The following ABCC11 variants were observed in gnomAD, a reference collection of about 807,000 sequenced individuals.
ABCC11 encodes the protein ATP-binding cassette sub-family C member 11.
ABCC11 carries 135 observed loss-of-function variants against 149.3 expected under a neutral mutation model. That is an observed-to-expected ratio of 0.90 (90% confidence interval 0.79 to 1.04). The LOEUF (loss-of-function observed/expected upper bound fraction) is 1.04. Among genes scored for constraint, ABCC11 ranks in the 50% least tolerant of loss-of-function variants. The pLI, the probability that ABCC11 is intolerant of heterozygous loss-of-function variation, is 0.00. For missense variants in ABCC11, 1,680 were observed against 1,722.1 expected, an observed-to-expected ratio of 0.98 and a Z score of 0.43; for synonymous variants, 665 against 671.4, an observed-to-expected ratio of 0.99 and a Z score of 0.15.
At chr16:48,187,602 C>T (rs1021034076) in intron 20 of ABCC11, among the ~76,000 whole-genome samples, 175 bp from the exon 21 acceptor site, 5 of 152,264 alleles carry the variant, frequency 3.3e-5, no homozygotes, top group African/African-American at 1.2e-4. Flanking sequence ...TACCTGACTC[C>T]TCCACCTACT....
At chr16:48,171,095 AC>A in intron 26 of ABCC11, 128 bp from the exon 27 acceptor site, 1 of 849,122 alleles carries the variant, frequency 1.2e-6, no homozygotes, top group Non-Finnish European at 1.9e-6. Context: ...TCATGGAACC[AC>A]CACAAATGGA....
Position 48,187,002 on chromosome 16 carries a change from C to T in ABCC11, c.3022G>A (p.Gly1008Ser), listed in dbSNP as rs766414699. 1.9e-6 allele frequency: 3 copies of T among 1,614,026 alleles called. No homozygotes were observed. The highest frequency in any genetic ancestry group is 2.5e-6 in the Non-Finnish European group (3 of 1,180,036). ...CCATAGACATGGATGGAGCTCAGGC[C>T]TTGCAGAGAATTGAGGATGTGGGAG... ...LFSHILNSLQ[G>S]LSSIHVYGKT... is the part of the protein sequence containing the mutation. Residue 1008 changes from glycine to serine, a missense_variant, in exon 22 of 30, where the codon GGC becomes AGC. Gly to Ser is a moderately conservative substitution (Grantham distance 56). Transcript: ENST00000356608.
intron 1 of ABCC11, among the ~76,000 whole-genome samples, chr16:48,238,405 T>G (rs1200206627): frequency 2.0e-5 from 3 of 152,152 alleles, no homozygotes; most frequent in Non-Finnish European, 4.4e-5. Flanking sequence ...CTGTCTACCC[T>G]TCTGCAATTA....
Position 48,196,223 on chromosome 16 carries a change from G to T in ABCC11, c.2404+9C>A. On this transcript the variant is annotated intron_variant, in intron 18 of 29. Coordinates refer to ENST00000356608, the MANE Select transcript of ABCC11 (RefSeq NM_001370497.1). ...AAGAGAGAGCCCTGGGCTGGCATGG[G>T]GACCGTACCTCCAGCTGCCTGGATG... 1.2e-6 allele frequency: 2 copies of T among 1,613,964 alleles called. No individual in the cohort carries two copies. The highest frequency in any genetic ancestry group is 2.7e-5 in the African/African-American group (2 of 75,032).
chr16:48,186,262 C>A (rs904178449), intron 22 of ABCC11, among the ~76,000 whole-genome samples: 10 of 152,200 alleles, frequency 6.6e-5, no homozygotes, highest in African/African-American at 2.4e-4. Flanking sequence ...GCCACCTCCT[C>A]CCGAAAGCCT....
intron 22 of ABCC11, among the ~76,000 whole-genome samples, chr16:48,184,874 C>T (rs533763546): frequency 2.1e-4 from 32 of 152,354 alleles, no homozygotes; most frequent in African/African-American, 6.0e-4. Context: ...ACGCGCTCCT[C>T]GCCTAACCTC....
At chr16:48,244,738 G>A in intron 1 of ABCC11, 1 of 658,094 alleles carries the variant, frequency 1.5e-6, no homozygotes, top group Non-Finnish European at 2.3e-6. Flanking sequence ...TTCGCGGCTC[G>A]GTTCCGCCTC....
intron 13 of ABCC11, among the ~76,000 whole-genome samples, chr16:48,203,800 G>A (rs763828786): frequency 1.3e-4 from 20 of 152,132 alleles, no homozygotes; most frequent in Admixed American, 2.0e-4. Context: ...CCAGGGAGGC[G>A]GAAAGGTTGC....
At chr16:48,234,865 G>T (rs1173239188) in intron 1 of ABCC11, among the ~76,000 whole-genome samples, 2 of 152,176 alleles carry the variant, frequency 1.3e-5, no homozygotes, top group Admixed American at 6.5e-5. Context: ...CAGGCAGTGA[G>T]CAAGTAGACA....
chr16:48,211,344 T>G, intron 10 of ABCC11, 145 bp from the exon 11 acceptor site: 1 of 1,001,640 alleles, frequency 1.0e-6, no homozygotes, highest in Middle Eastern at 3.2e-4. Context: ...TACCACCAGT[T>G]AGGAAAGGCC....
In ABCC11 at chr16:48,184,504, A is replaced by T. The variant is rs1175039961; in HGVS notation, c.3194T>A (p.Val1065Glu). ...GGGGGTGGAGGAAATGCCAAAAGCC[A>T]CGAACAGGGCAACAGCCAAGGTCAC... ...NLVTLAVALF[V>E]AFGISSTPYS... The change falls in exon 23 of 30, where the codon GTG becomes GAG. Residue 1065 changes from valine (V) to glutamate (E), a missense_variant. Val to Glu is a moderately radical substitution (Grantham distance 121). Coordinates refer to ENST00000356608, the MANE Select transcript of ABCC11 (RefSeq NM_001370497.1). 2.0e-5 allele frequency: 32 copies of T among 1,614,130 alleles called. No homozygotes were observed. The highest frequency in any genetic ancestry group is 2.7e-5 in the Non-Finnish European group (32 of 1,180,048).
intron 1 of ABCC11, among the ~76,000 whole-genome samples, chr16:48,238,060 T>G (rs992113861): frequency 6.6e-6 from 1 of 152,202 alleles, no homozygotes; most frequent in African/African-American, 2.4e-5. Context: ...CCTGATGTAT[T>G]CCCCATTACC....
intron 24 of ABCC11, among the ~76,000 whole-genome samples, chr16:48,177,722 C>T (rs1273291515): frequency 4.6e-5 from 7 of 152,248 alleles, no homozygotes; most frequent in Non-Finnish European, 8.8e-5. Context: ...ATCTGACCAC[C>T]TGGCTGCAAG....
rs1027427821 is a variant in ABCC11 at position 48,178,673 on chromosome 16, A to C, written c.3272T>G (p.Phe1091Cys). Reference protein sequence around the residue: ...VNIVLQLASSFQATARIGLET... With the variant: ...VNIVLQLASSCQATARIGLET... ...CAAGCCAATCCGGGCAGTGGCCTGGAAGCTGGACGCCAGCTAGAAGGAAGG... is the reference window on the plus strand; with the variant it reads ...CAAGCCAATCCGGGCAGTGGCCTGGCAGCTGGACGCCAGCTAGAAGGAAGG... Residue 1091 changes from phenylalanine to cysteine, a missense_variant, in exon 24 of 30, where the codon TTC (phenylalanine) becomes TGC (cysteine). Transcript: ENST00000356608. The C allele has an allele frequency of 8.1e-6, 13 of 1,614,008 alleles. No homozygotes were observed. Among genetic ancestry groups the C allele is most frequent in the Non-Finnish European group, 1.1e-5 (13 of 1,180,014 alleles).
chr16:48,209,676 G>A (rs1968749871), intron 11 of ABCC11: 1 of 152,316 alleles, frequency 6.6e-6, no homozygotes, highest in South Asian at 2.1e-4. Flanking sequence ...ATGGATTTTG[G>A]AGGGTCAGAG....
intron 1 of ABCC11, chr16:48,244,521 C>A (rs1441486646): frequency 6.3e-7 from 1 of 1,586,684 alleles, no homozygotes; most frequent in East Asian, 2.3e-5. Context: ...GGTGCGGAGC[C>A]GCCTTCTGAA....
At chr16:48,228,635 A>G (rs1360439553) in intron 3 of ABCC11, among the ~76,000 whole-genome samples, 1 of 152,134 alleles carries the variant, frequency 6.6e-6, no homozygotes, top group East Asian at 1.9e-4. Flanking sequence ...TCACTTATAT[A>G]AAAAAGGAAG....
chr16:48,167,734 C>G (rs1298637905), intron 28 of ABCC11, 74 bp from the exon 29 acceptor site: 1 of 1,515,414 alleles, frequency 6.6e-7, no homozygotes, highest in African/African-American at 1.4e-5. Flanking sequence ...TGGTTTACCA[C>G]TAATTCACCA....
At chr16:48,234,905 A>G (rs566413378) in intron 1 of ABCC11, among the ~76,000 whole-genome samples, 2 of 152,288 alleles carry the variant, frequency 1.3e-5, no homozygotes, top group African/African-American at 4.8e-5. Context: ...GCCTAGGAGC[A>G]GAGGTCACTG....
Sources: allele counts gnomAD v4.1 joint callset (sites outside exome capture counted in the v4.1 genomes callset), GRCh38; gene constraint gnomAD v4.1.1; transcripts MANE v1.5; gene names NCBI Gene and HGNC (gene_info 2026-07-23, HGNC 2026-07-21).